Variants in AEN observed in about 807,000 individuals in gnomAD.
The protein encoded by AEN is apoptosis enhancing nuclease.
A neutral mutation model predicts 17.7 loss-of-function variants in AEN; 21 were observed. The observed-to-expected ratio is 1.19, with a 90% CI of 0.84 to 1.71. The LOEUF (loss-of-function observed/expected upper bound fraction) is 1.71. AEN is among the 40% of genes most tolerant of loss of function. The pLI, the probability that AEN is intolerant of heterozygous loss-of-function variation, is 0.00. For missense variants in AEN, 462 were observed against 435.9 expected, an observed-to-expected ratio of 1.06 and a Z score of -0.53; for synonymous variants, 190 against 173.0, an observed-to-expected ratio of 1.10 and a Z score of -0.77.
At position 88,631,032 on chromosome 15, in the gene AEN, G is replaced by A; in HGVS notation, c.*738G>A. The A allele has an allele frequency of 2.2e-6, 1 of 444,748 alleles. No homozygotes were observed. Among genetic ancestry groups the A allele is most frequent in the South Asian group, 1.6e-5 (1 of 64,248 alleles). The allele number at this position is 444,748 out of a possible 1,614,324, so 27.6% of individuals were successfully genotyped here. ...AAAGCCCCAGGCACAGCTCAGGGAG[G>A]AGGGAAGGCAGGTAAGCTTTGGACG... On this transcript the variant is annotated 3_prime_UTR_variant, in exon 4 of 4. Transcript: ENST00000332810.
At chr15:88,612,211 G>T in the AEN span, among the ~76,000 whole-genome samples, 1 of 152,138 alleles carries the variant, frequency 6.6e-6, no homozygotes, top group Non-Finnish European at 1.5e-5. Flanking sequence ...TCACTTTGGG[G>T]CACCTATAAT....
the AEN span, among the ~76,000 whole-genome samples, chr15:88,616,266 G>T: frequency 2.6e-5 from 4 of 152,086 alleles, no homozygotes; most frequent in Admixed American, 2.6e-4. Context: ...TCTAATTTTT[G>T]TATTTTTAGT....
At position 88,626,159 on chromosome 15, in the gene AEN, T is replaced by C. The variant is rs1004288156; in HGVS notation, c.-51T>C. The C allele has an allele frequency of 6.6e-7, 1 of 1,517,124 alleles. No homozygotes were observed. The highest frequency in any genetic ancestry group is 1.4e-5 in the African/African-American group (1 of 71,910). The allele number at this position is 1,517,124 out of a possible 1,614,324, so 94.0% of individuals were successfully genotyped here. On this transcript the variant is annotated 5_prime_UTR_variant, in exon 2 of 4. Coordinates refer to ENST00000332810, the MANE Select transcript of AEN (RefSeq NM_022767.4). ...TTCTCTCTTCAGGCTGCTGCCCCAT[T>C]GGAAGATTACTCCCCAGGCTTCCCT...
chr15:88,625,954 T>C (rs2141371334), intron 1 of AEN, among the ~76,000 whole-genome samples, 192 bp from the exon 2 acceptor site: 1 of 152,346 alleles, frequency 6.6e-6, no homozygotes, highest in African/African-American at 2.4e-5. Flanking sequence ...TTTACAACAG[T>C]GATTCACCTG....
chr15:88,616,930 G>C (rs2057743327), upstream of AEN, among the ~76,000 whole-genome samples: 1 of 152,186 alleles, frequency 6.6e-6, no homozygotes, highest in South Asian at 2.1e-4. Flanking sequence ...GATGTATTAA[G>C]TGCATTTTCA....
At chr15:88,608,801 T>A in the AEN span, among the ~76,000 whole-genome samples, 2 of 152,266 alleles carry the variant, frequency 1.3e-5, no homozygotes, top group African/African-American at 4.8e-5. Flanking sequence ...TTTAATTCAA[T>A]GTAAGAGCTG....
At chr15:88,614,993 A>G in the AEN span, among the ~76,000 whole-genome samples, 1 of 152,004 alleles carries the variant, frequency 6.6e-6, no homozygotes, top group African/African-American at 2.4e-5. Context: ...CCTCCCGAAC[A>G]GCTGGGACTA....
chr15:88,619,160 G>A (rs148314612), upstream of AEN, among the ~76,000 whole-genome samples: 4 of 152,282 alleles, frequency 2.6e-5, no homozygotes, highest in East Asian at 1.9e-4. Flanking sequence ...TTCTTGCCCC[G>A]TCCTCAACAA....
intron 1 of AEN, among the ~76,000 whole-genome samples, chr15:88,625,321 A>G (rs971224486): frequency 1.3e-5 from 2 of 152,148 alleles, no homozygotes; most frequent in Non-Finnish European, 2.9e-5. Context: ...GTTTAAGACC[A>G]GCAGGGCAAC....
chr15:88,611,962 C>G, the AEN span: 2 of 465,948 alleles, frequency 4.3e-6, no homozygotes, highest in Non-Finnish European at 8.8e-6. Context: ...GGGGCAGCCC[C>G]CCTTTTTGGC....
At chr15:88,626,918 A>G (rs2057862658) in intron 2 of AEN, 169 bp downstream of exon 2, 1 of 740,644 alleles carries the variant, frequency 1.4e-6, no homozygotes, top group Non-Finnish European at 2.1e-6. Context: ...TAAAAATAAA[A>G]TCCTGACCTT....
chr15:88,612,724 C>T, the AEN span, among the ~76,000 whole-genome samples: 4 of 152,066 alleles, frequency 2.6e-5, no homozygotes, highest in Admixed American at 1.3e-4. Context: ...CCTCAGCCTC[C>T]CGACTAGCTG....
chr15:88,606,846 C>T, the AEN span, among the ~76,000 whole-genome samples: 1 of 152,212 alleles, frequency 6.6e-6, no homozygotes. Flanking sequence ...CTCCCCCCTC[C>T]ACCCCATGGC....
intron 1 of AEN, chr15:88,621,664 G>A (rs1469112942): frequency 6.6e-6 from 1 of 152,272 alleles, no homozygotes. Context: ...GTCCTTCCCG[G>A]TGAGATCAGG....
the AEN span, among the ~76,000 whole-genome samples, chr15:88,605,683 C>G: frequency 2.0e-5 from 3 of 152,198 alleles, no homozygotes; most frequent in African/African-American, 7.2e-5. This position sits in a 1 kb window ranked among gnomAD's most constrained non-coding sequence, Gnocchi z 7.6. Context: ...CCGTTACTTC[C>G]CAGTGTAGCC....
chr15:88,625,248 G>T (rs6496513), intron 1 of AEN, among the ~76,000 whole-genome samples: 2 of 152,074 alleles, frequency 1.3e-5, no homozygotes, highest in South Asian at 2.1e-4. Context: ...GGCTGGACAC[G>T]GTGGCTCATA....
chr15:88,606,647 C>T, the AEN span, among the ~76,000 whole-genome samples: 463 of 152,334 alleles, frequency 3.0e-3, 6 homozygotes, highest in African/African-American at 0.011. Context: ...AATCAGTGAG[C>T]ACCTTGACTA....
rs532858265 is a variant in AEN, at chr15:88,631,067, A to G, written c.*773A>G. 1.1e-5 allele frequency: 5 copies of G among 454,038 alleles called. No homozygotes were observed. The highest frequency in any genetic ancestry group is 7.7e-5 in the South Asian group (5 of 64,534). 28.1% of individuals were successfully genotyped at this position (454,038 alleles called of 1,614,324 possible). A position where few individuals can be genotyped will look rare whatever the true frequency, so the allele number is the denominator to read the frequency against. On this transcript the variant is annotated 3_prime_UTR_variant, in exon 4 of 4. Coordinates refer to ENST00000332810, the MANE Select transcript of AEN (RefSeq NM_022767.4). ...AGGTAAGCTTTGGACGAGAACTGGC[A>G]TATTTATTTTGACCCAAATCAGGGA...
At chr15:88,617,013 A>T (rs2057744043), upstream of AEN, among the ~76,000 whole-genome samples, 1 of 152,260 alleles carries the variant, frequency 6.6e-6, no homozygotes, top group South Asian at 2.1e-4. Context: ...TAATATGGAC[A>T]TCTTAAAAAG....
Sources: allele counts gnomAD v4.1 joint callset (sites outside exome capture counted in the v4.1 genomes callset), GRCh38; gene constraint gnomAD v4.1.1; non-coding constraint Gnocchi (gnomAD v3.1); transcripts MANE v1.5; gene names NCBI Gene and HGNC (gene_info 2026-07-23, HGNC 2026-07-21).